Variants in PRSS56 observed in about 807,000 individuals in gnomAD.
PRSS56 encodes serine protease 56, also known as protease, serine 56.
PRSS56 carries 55 observed loss-of-function variants against 66.8 expected under a neutral mutation model. That is an observed-to-expected ratio of 0.82 (90% CI 0.66 to 1.03). The LOEUF (loss-of-function observed/expected upper bound fraction) is 1.03, where lower values mean the gene tolerates loss of function less well. PRSS56 is among the 50% of genes least tolerant of loss of function. The pLI is 0.00. For missense variants in PRSS56, 869 were observed against 837.2 expected, an observed-to-expected ratio of 1.04 and a Z score of -0.47; for synonymous variants, 409 against 387.9, an observed-to-expected ratio of 1.05 and a Z score of -0.64.
chr2:232,520,555 G>A lies in PRSS56; in HGVS notation c.-44G>A. 6.8e-7 allele frequency: 1 copy of A among 1,476,744 alleles called. No individual in the cohort carries two copies. Among genetic ancestry groups the A allele is most frequent in the Non-Finnish European group, 9.2e-7 (1 of 1,092,832 alleles). The allele number at this position is 1,476,744 out of a possible 1,614,324, so 91.5% of individuals were successfully genotyped here. Reference sequence around the variant, plus strand: ...TAGGCACCCGGAAGGTGGACTCCGAGGAGGAGAGAGGACAGGGGTCTCTCA... The same window carrying A: ...TAGGCACCCGGAAGGTGGACTCCGAAGAGGAGAGAGGACAGGGGTCTCTCA... On this transcript the variant is annotated 5_prime_UTR_variant, in exon 1 of 13. Transcript: ENST00000617714.
At position 232,525,342 on chromosome 2, in the gene PRSS56, A is replaced by T; in HGVS notation, c.1648A>T (p.Ser550Cys). The stretch of plus-strand genomic sequence containing the variant: ...CCTGGAGCCGGCCACACTGGCTCGC[A>T]GCCTCCCCCGGCTGCTGGTGCAGGC... ...VGLEPATLARSLPRLLVQALQ... is the reference protein window; with the variant it reads ...VGLEPATLARCLPRLLVQALQ... Residue 550 changes from serine (S) to cysteine (C), a missense_variant, in exon 13 of 13, where the codon AGC (serine) becomes TGC (cysteine). Around this residue, in one of 3 missense-constraint regions of PRSS56, gnomAD observed 551 missense variants for 506.9 expected, o/e 1.09. Coordinates refer to ENST00000617714, the MANE Select transcript of PRSS56 (RefSeq NM_001195129.2). 6.5e-7 allele frequency: 1 copy of T among 1,530,104 alleles called. No homozygotes were observed. Among genetic ancestry groups the T allele is most frequent in the Non-Finnish European group, 8.7e-7 (1 of 1,143,362 alleles). 94.8% of individuals were successfully genotyped at this position (1,530,104 alleles called of 1,614,324 possible).
In PRSS56 at chr2:232,524,726, C is replaced by T. The variant is rs950826366; in HGVS notation, c.1415-12C>T. On this transcript the variant is annotated splice_polypyrimidine_tract_variant and intron_variant, in intron 11 of 12. Transcript: ENST00000617714. The stretch of plus-strand genomic sequence containing the variant: ...CCGTTCATTATTCCCGGGGCCTCTC[C>T]TCTTCCTCCAGGCTGCCCTGGGCTG... The T allele has an allele frequency of 1.3e-5, 19 of 1,508,926 alleles. No individual in the cohort carries two copies. The highest frequency in any genetic ancestry group is 1.6e-5 in the Non-Finnish European group (18 of 1,127,222). The allele number at this position is 1,508,926 out of a possible 1,614,324, so 93.5% of individuals were successfully genotyped here.
In PRSS56 at chr2:232,525,582, C is replaced by A. The variant is rs1691414962; in HGVS notation, c.*76C>A. 6 of 725,952 alleles carry A rather than the reference C, an allele frequency of 8.3e-6. No individual in the cohort carries two copies. Among genetic ancestry groups the A allele is most frequent in the Non-Finnish European group, 1.1e-5 (6 of 539,172 alleles). 45.0% of individuals were successfully genotyped at this position (725,952 alleles called of 1,614,324 possible). A position where few individuals can be genotyped will look rare whatever the true frequency, so the allele number is the denominator to read the frequency against. ...TGAGAGGGGTTCGGGAGCATAATGA[C>A]AAACTGTCGCTGCCCCAGTGGCTGG... On this transcript the variant is annotated 3_prime_UTR_variant, in exon 13 of 13. Transcript: ENST00000617714.
chr2:232,522,399 C>T (rs1691301080), intron 4 of PRSS56, 116 bp from the exon 5 acceptor site: 1 of 1,012,998 alleles, frequency 9.9e-7, no homozygotes, highest in Non-Finnish European at 1.4e-6. Context: ...CCCGGCCCGC[C>T]CTCCGTGCCC....
At chr2:232,523,619 A>T in intron 8 of PRSS56, 41 bp downstream of exon 8, 1 of 1,503,884 alleles carries the variant, frequency 6.6e-7, no homozygotes, top group Non-Finnish European at 8.8e-7. Flanking sequence ...CAGTGCCCCA[A>T]CGGACAACCG....
At chr2:232,524,002 C>G in intron 9 of PRSS56, 37 bp from the exon 10 acceptor site, 1 of 1,524,920 alleles carries the variant, frequency 6.6e-7, no homozygotes. Flanking sequence ...GCCTGGCCAG[C>G]CTCTGACCGC....
chr2:232,525,577 A>C lies in PRSS56; in HGVS notation c.*71A>C. The C allele has an allele frequency of 1.6e-6, 2 of 1,254,036 alleles. No individual in the cohort carries two copies. Among genetic ancestry groups the C allele is most frequent in the Non-Finnish European group, 2.1e-6 (2 of 962,284 alleles). 77.7% of individuals were successfully genotyped at this position (1,254,036 alleles called of 1,614,324 possible). On this transcript the variant is annotated 3_prime_UTR_variant, in exon 13 of 13. Coordinates refer to ENST00000617714, the MANE Select transcript of PRSS56 (RefSeq NM_001195129.2). ...GGGGCTGAGAGGGGTTCGGGAGCATAATGACAAACTGTCGCTGCCCCAGTG... is the reference window on the plus strand; with the variant it reads ...GGGGCTGAGAGGGGTTCGGGAGCATCATGACAAACTGTCGCTGCCCCAGTG...
Position 232,523,845 on chromosome 2 carries a change from C to T in PRSS56, c.1086C>T (p.Ala362=). ...CCCCCCAGGAGCTGCAGGCAGACGC[C>T]GCCCGGCTCTGCGCCTTCTATGCCC... The part of the protein sequence containing the change: ...WDPPQELQAD[A]ARLCAFYARL... The change falls in exon 9 of 13, where the codon GCC becomes GCT. Residue 362 remains alanine (A), a synonymous_variant. Coordinates refer to ENST00000617714, the MANE Select transcript of PRSS56 (RefSeq NM_001195129.2). 1.3e-6 allele frequency: 2 copies of T among 1,533,324 alleles called. No individual in the cohort carries two copies. The highest frequency in any genetic ancestry group is 1.7e-6 in the Non-Finnish European group (2 of 1,146,208). 95.0% of individuals were successfully genotyped at this position (1,533,324 alleles called of 1,614,324 possible).
At chr2:232,521,220 G>A (rs996454641) in intron 1 of PRSS56, 101 bp from the exon 2 acceptor site, 2 of 884,184 alleles carry the variant, frequency 2.3e-6, no homozygotes, top group Non-Finnish European at 1.8e-6. Context: ...TCTGTCCCAG[G>A]CTGGTGGGTC....
chr2:232,520,848 G>T (rs1225851215), intron 1 of PRSS56, among the ~76,000 whole-genome samples, 153 bp downstream of exon 1: 1 of 152,154 alleles, frequency 6.6e-6, no homozygotes, highest in Admixed American at 6.5e-5. Context: ...GCCAAGAACT[G>T]AGATATAGGT....
In PRSS56 at chr2:232,523,433, C is replaced by G; in HGVS notation, c.867C>G (p.Pro289=). Residue 289 remains proline, a synonymous_variant, in exon 8 of 13, where the codon CCC becomes CCG. Transcript: ENST00000617714. ...CCCCGCAGGGTGACTCGGGAGGCCC[C>G]CTGACCTGTTCTGAGCCTGGCCCCC... ...VDSCQGDSGG[P]LTCSEPGPRP... 6.8e-7 allele frequency: 1 copy of G among 1,474,658 alleles called. No individual in the cohort carries two copies. Among genetic ancestry groups the G allele is most frequent in the Non-Finnish European group, 9.0e-7 (1 of 1,115,988 alleles). The allele number at this position is 1,474,658 out of a possible 1,614,324, so 91.3% of individuals were successfully genotyped here. A position where few individuals can be genotyped will look rare whatever the true frequency, so the allele number is the denominator to read the frequency against.
intron 9 of PRSS56, 25 bp downstream of exon 9, chr2:232,523,970 GA>G: frequency 3.3e-6 from 5 of 1,519,010 alleles, no homozygotes; most frequent in Non-Finnish European, 3.5e-6. Flanking sequence ...CCCGGACCCG[GA>G]CGGGGGGCAG....
Position 232,522,563 on chromosome 2 carries a change from G to T in PRSS56, c.495G>T (p.Arg165=). The T allele has an allele frequency of 6.5e-7, 1 of 1,535,364 alleles. No homozygotes were observed. Among genetic ancestry groups the T allele is most frequent in the Non-Finnish European group, 8.7e-7 (1 of 1,146,590 alleles). Residue 165 remains arginine (R), a synonymous_variant, in exon 5 of 13, where the codon CGG becomes CGT. Coordinates refer to ENST00000617714, the MANE Select transcript of PRSS56 (RefSeq NM_001195129.2). ...CTGTGACGCTGGCAGAGGGGTCCCG[G>T]GGGGAGCAAGCGGAGGAGGTGCCAG... The part of the protein sequence containing the change: ...LWTVTLAEGS[R]GEQAEEVPVN...
chr2:232,524,937 T>C, intron 12 of PRSS56, 93 bp downstream of exon 12: 1 of 1,085,296 alleles, frequency 9.2e-7, no homozygotes, highest in Non-Finnish European at 1.3e-6. Context: ...CCAGATACCC[T>C]CCCAGCAGCC....
At position 232,522,498 on chromosome 2, in the gene PRSS56, T is replaced by G. The variant is rs771643253; in HGVS notation, c.447-17T>G. 36 of 1,523,652 alleles carry G rather than the reference T, an allele frequency of 2.4e-5. No homozygotes were observed. The highest frequency in any genetic ancestry group is 3.2e-5 in the Non-Finnish European group (36 of 1,139,676). 94.4% of individuals were successfully genotyped at this position (1,523,652 alleles called of 1,614,324 possible). A position where few individuals can be genotyped will look rare whatever the true frequency, so the allele number is the denominator to read the frequency against. On this transcript the variant is annotated splice_polypyrimidine_tract_variant and intron_variant, in intron 4 of 12. Coordinates refer to ENST00000617714, the MANE Select transcript of PRSS56 (RefSeq NM_001195129.2). ...GCCCCTGTCCTTCCTGCGTCTCAGC[T>G]GCCGCTCGACCCGCAGCGCCCCGAA...
intron 6 of PRSS56, 26 bp downstream of exon 6, chr2:232,522,887 G>C (rs1472658361): frequency 2.1e-6 from 3 of 1,448,104 alleles, no homozygotes; most frequent in Non-Finnish European, 2.7e-6. Flanking sequence ...GAGCCGGCGC[G>C]TGGTGGGAAG....
chr2:232,521,182 C>T (rs542041476), intron 1 of PRSS56, 139 bp from the exon 2 acceptor site: 9 of 643,892 alleles, frequency 1.4e-5, no homozygotes, highest in South Asian at 7.6e-5. Context: ...CTGGGCCCAG[C>T]GTCCCCGGGG....
rs554363326 is a variant in PRSS56 at position 232,522,664 on chromosome 2, C to T, written c.547-38C>T. ...CAAGGCTGGGCACCGCACCCCCACC[C>T]GTGCTTCCTTGACCCTGCGCCGCCT... On this transcript the variant is annotated intron_variant, in intron 5 of 12. Coordinates refer to ENST00000617714, the MANE Select transcript of PRSS56 (RefSeq NM_001195129.2). The T allele has an allele frequency of 4.0e-4, 617 of 1,532,518 alleles. 13 individuals are homozygous for T. The South Asian group carries it at 6.9e-3, about 17-fold the overall frequency. The allele number at this position is 1,532,518 out of a possible 1,614,324, so 94.9% of individuals were successfully genotyped here.
chr2:232,522,665 G>A (rs563248309), intron 5 of PRSS56, 37 bp from the exon 6 acceptor site: 3 of 1,532,440 alleles, frequency 2.0e-6, no homozygotes, highest in East Asian at 2.5e-5. Flanking sequence ...ACCCCCACCC[G>A]TGCTTCCTTG....
Sources: allele counts gnomAD v4.1 joint callset (sites outside exome capture counted in the v4.1 genomes callset), GRCh38; gene constraint gnomAD v4.1.1; regional missense constraint gnomAD v4.1.1; transcripts MANE v1.5; gene names NCBI Gene and HGNC (gene_info 2026-07-23, HGNC 2026-07-21).